Variants in ENPEP observed in about 807,000 individuals in gnomAD.
The protein encoded by ENPEP is AP-A.
ENPEP carries 103 observed loss-of-function variants against 114.5 expected under a neutral mutation model. The observed-to-expected ratio is 0.90, with a 90% confidence interval of 0.77 to 1.06. The LOEUF is 1.06. ENPEP is among the 50% of genes least tolerant of loss of function. The pLI, the probability that ENPEP is intolerant of heterozygous loss-of-function variation, is 0.00. For missense variants in ENPEP, 1,196 were observed against 1,161.3 expected (o/e 1.03, Z -0.43); for synonymous variants, 420 against 422.0 (o/e 1.00, Z 0.06).
intron 3 of ENPEP, among the ~76,000 whole-genome samples, chr4:110,502,378 C>G (rs142793474): frequency 0.013 from 2,023 of 152,154 alleles, 50 homozygotes; most frequent in African/African-American, 0.046. Flanking sequence ...ATGGTATTTC[C>G]TAGGTTATCT....
At chr4:110,500,870 C>G (rs1725128587) in intron 3 of ENPEP, among the ~76,000 whole-genome samples, 1 of 152,128 alleles carries the variant, frequency 6.6e-6, no homozygotes, top group South Asian at 2.1e-4. Context: ...AGTCAGTCAC[C>G]TCTGCCAAAG....
At chr4:110,511,321 G>A (rs182108491) in intron 6 of ENPEP, among the ~76,000 whole-genome samples, 2 of 151,582 alleles carry the variant, frequency 1.3e-5, no homozygotes, top group East Asian at 3.9e-4. Flanking sequence ...TTCTTTTTTT[G>A]TGCGGGACTT....
rs143496262 is a variant in ENPEP at position 110,563,477 on chromosome 4, A to C, written c.*1919A>C. On this transcript the variant is annotated 3_prime_UTR_variant, in exon 20 of 20. Transcript: ENST00000265162. The stretch of plus-strand genomic sequence containing the variant: ...TACTTTGTCAGAATAAGTCTTCTAG[A>C]CCATCAGGTCCTTCTCAAACAACAC... 292 of 152,240 alleles carry C rather than the reference A, an allele frequency of 1.9e-3. 1 individual carries two copies. Among genetic ancestry groups the C allele is most frequent in the African/African-American group, 6.7e-3 (278 of 41,538 alleles). The allele number at this position is 152,240 out of a possible 1,614,324, so 9.4% of individuals were successfully genotyped here. A position where few individuals can be genotyped will look rare whatever the true frequency, so the allele number is the denominator to read the frequency against.
intron 11 of ENPEP, among the ~76,000 whole-genome samples, chr4:110,537,233 G>T (rs1186853182): frequency 6.6e-6 from 1 of 152,122 alleles, no homozygotes; most frequent in Non-Finnish European, 1.5e-5. Context: ...TTTCACAAAA[G>T]GTTTCTTTGA....
At chr4:110,485,821 T>C (rs1168463677) in intron 1 of ENPEP, among the ~76,000 whole-genome samples, 2 of 152,136 alleles carry the variant, frequency 1.3e-5, no homozygotes, top group Non-Finnish European at 2.9e-5. Flanking sequence ...AAGTTAAGTT[T>C]TTTGTTTTTT....
chr4:110,496,994 G>A (rs926630309), intron 3 of ENPEP, among the ~76,000 whole-genome samples: 3 of 152,194 alleles, frequency 2.0e-5, no homozygotes, highest in Admixed American at 6.5e-5. Flanking sequence ...TCTACTTCCT[G>A]GAGGGAGGAG....
At chr4:110,542,952 AT>A in intron 12 of ENPEP, 62 bp from the exon 13 acceptor site, 1 of 1,609,864 alleles carries the variant, frequency 6.2e-7, no homozygotes, top group Non-Finnish European at 8.5e-7. Context: ...AATGATATTA[AT>A]TTTTTTCAAC....
At chr4:110,557,792 C>T (rs193284560) in intron 18 of ENPEP, among the ~76,000 whole-genome samples, 6 of 152,208 alleles carry the variant, frequency 3.9e-5, no homozygotes, top group East Asian at 3.9e-4. Context: ...AATTCAGTGG[C>T]GTCTGTGATA....
intron 11 of ENPEP, among the ~76,000 whole-genome samples, 164 bp downstream of exon 11, chr4:110,531,441 C>T (rs1316539335): frequency 6.6e-6 from 1 of 152,098 alleles, no homozygotes. Flanking sequence ...ACAATCAGAA[C>T]TGTTATACCT....
Position 110,561,682 on chromosome 4 carries a change from G to A in ENPEP, c.*124G>A. ...ACAGATAATGCTTTTACTAAGCACT[G>A]TGTTTATATGTCTTGCAAAGCCTTT... is the stretch of plus-strand genomic sequence containing the variant. On this transcript the variant is annotated 3_prime_UTR_variant, in exon 20 of 20. Coordinates refer to ENST00000265162, the MANE Select transcript of ENPEP (RefSeq NM_001977.4). 2.3e-6 allele frequency: 2 copies of A among 867,758 alleles called. No individual in the cohort carries two copies. The highest frequency in any genetic ancestry group is 3.5e-6 in the Non-Finnish European group (2 of 579,188). The allele number at this position is 867,758 out of a possible 1,614,324, so 53.8% of individuals were successfully genotyped here.
At chr4:110,508,809 T>C (rs1725470738) in intron 4 of ENPEP, among the ~76,000 whole-genome samples, 1 of 151,912 alleles carries the variant, frequency 6.6e-6, no homozygotes, top group African/African-American at 2.4e-5. Context: ...AGACTCTGTC[T>C]CAAAAAAAAA....
At chr4:110,514,899 T>C (rs1725703717) in intron 7 of ENPEP, among the ~76,000 whole-genome samples, 2 of 152,260 alleles carry the variant, frequency 1.3e-5, no homozygotes, top group African/African-American at 2.4e-5. Context: ...TATGTATCCA[T>C]GTATATTAAG....
At chr4:110,528,291 G>T (rs192120419) in intron 10 of ENPEP, among the ~76,000 whole-genome samples, 1 of 152,124 alleles carries the variant, frequency 6.6e-6, no homozygotes, top group African/African-American at 2.4e-5. Context: ...TTAAAAATCC[G>T]TAGTAGCTCC....
Position 110,488,606 on chromosome 4 carries a change from C to T in ENPEP, c.710C>T (p.Pro237Leu). 2 of 1,613,726 alleles carry T rather than the reference C, an allele frequency of 1.2e-6. No homozygotes were observed. The highest frequency in any genetic ancestry group is 1.1e-5 in the South Asian group (1 of 91,048). The change falls in exon 2 of 20, where the codon CCC becomes CTC. Residue 237 changes from proline (P) to leucine (L), a missense_variant. By Grantham distance (98) the Pro-to-Leu change is moderately conservative. Coordinates refer to ENST00000265162, the MANE Select transcript of ENPEP (RefSeq NM_001977.4). ...AAATCTTTTCCTTGTTTTGATGAGCCCAACAAAAAGGCAACTTATACAATA... is the reference window on the plus strand; with the variant it reads ...AAATCTTTTCCTTGTTTTGATGAGCTCAACAAAAAGGCAACTTATACAATA... The part of the protein sequence containing the change: ...ARKSFPCFDE[P>L]NKKATYTISI...
At chr4:110,521,936 T>A (rs1359557843) in intron 10 of ENPEP, among the ~76,000 whole-genome samples, 2 of 151,740 alleles carry the variant, frequency 1.3e-5, no homozygotes, top group East Asian at 3.9e-4. Flanking sequence ...TGGAGTGCAG[T>A]GGCGCAATGT....
chr4:110,517,722 A>G (rs1386647636), intron 8 of ENPEP, among the ~76,000 whole-genome samples: 1 of 152,204 alleles, frequency 6.6e-6, no homozygotes, highest in Admixed American at 6.5e-5. Flanking sequence ...AAACTGAACT[A>G]TGAAGAATAG....
chr4:110,562,301 A>C lies in ENPEP; in HGVS notation c.*743A>C, dbSNP rs988304061. On this transcript the variant is annotated 3_prime_UTR_variant, in exon 20 of 20. Coordinates refer to ENST00000265162, the MANE Select transcript of ENPEP (RefSeq NM_001977.4). Reference sequence around the variant, plus strand: ...TAACACATTGCAAATATGATTCAAGAATCTGGCCTTTTTCATGCTTGGTAC... The same window carrying C: ...TAACACATTGCAAATATGATTCAAGCATCTGGCCTTTTTCATGCTTGGTAC... The C allele has an allele frequency of 6.6e-6, 1 of 152,174 alleles. No homozygotes were observed. The highest frequency in any genetic ancestry group is 1.5e-5 in the Non-Finnish European group (1 of 68,026). The allele number at this position is 152,174 out of a possible 1,614,324, so 9.4% of individuals were successfully genotyped here. A position where few individuals can be genotyped will look rare whatever the true frequency, so the allele number is the denominator to read the frequency against.
At chr4:110,522,856 T>C (rs903638233) in intron 10 of ENPEP, among the ~76,000 whole-genome samples, 3 of 152,182 alleles carry the variant, frequency 2.0e-5, no homozygotes, top group African/African-American at 7.2e-5. Flanking sequence ...CATAACACTT[T>C]TTTGAAAGTT....
chr4:110,559,279 T>A (rs1727597150), intron 18 of ENPEP: 1 of 165,196 alleles, frequency 6.1e-6, no homozygotes, highest in Admixed American at 6.2e-5. Flanking sequence ...AGCTGAACAT[T>A]GTGCTAATGT....
Sources: allele counts gnomAD v4.1 joint callset (sites outside exome capture counted in the v4.1 genomes callset), GRCh38; gene constraint gnomAD v4.1.1; transcripts MANE v1.5; gene names NCBI Gene and HGNC (gene_info 2026-07-23, HGNC 2026-07-21).